The following DOK6 variants were observed in gnomAD, a reference collection of about 807,000 sequenced individuals.
DOK6 encodes the protein downstream of tyrosine kinase 6.
DOK6 carries 22 observed loss-of-function variants against 44.0 expected under a neutral mutation model. That is an observed-to-expected ratio of 0.50 (90% CI 0.36 to 0.71). The LOEUF (loss-of-function observed/expected upper bound fraction) is 0.71. Among genes scored for constraint, DOK6 ranks in the 30% least tolerant of loss-of-function variants. DOK6 has a pLI of 0.00. For synonymous variants in DOK6, 166 were observed against 145.5 expected, an observed-to-expected ratio of 1.14 and a Z score of -1.01; for missense variants, 340 against 416.4, an observed-to-expected ratio of 0.82 and a Z score of 1.60.
chr18:69,662,579 A>G (rs1251564049), intron 3 of DOK6: 1 of 152,190 alleles, frequency 6.6e-6, no homozygotes, highest in Non-Finnish European at 1.5e-5. Flanking sequence ...GTAGATGAAT[A>G]TTGCCTTTGA....
chr18:69,698,556 G>A lies in DOK6; in HGVS notation c.562G>A (p.Gly188Ser), dbSNP rs766198992. The A allele has an allele frequency of 2.5e-6, 4 of 1,613,892 alleles. No individual in the cohort carries two copies. The highest frequency in any genetic ancestry group is 1.3e-5 in the African/African-American group (1 of 74,930). ...GCCTCTCAGCTCACTGAGGAGATAC[G>A]GTCGGGACTCAACGTGGTTCACGTT... ...MWPLSSLRRY[G>S]RDSTWFTFES... The change falls in exon 5 of 8, where the codon GGT (glycine) becomes AGT (serine). Residue 188 changes from glycine (G) to serine (S), a missense_variant. Physicochemically the swap from Gly to Ser is moderately conservative, Grantham distance 56. This residue lies in a region of DOK6 where 206 missense variants were observed against 258.6 expected (regional missense o/e 0.80). Transcript: ENST00000382713.
chr18:69,640,596 C>T (rs1984916814), intron 3 of DOK6, among the ~76,000 whole-genome samples: 1 of 152,142 alleles, frequency 6.6e-6, no homozygotes. Flanking sequence ...GCATCTAACC[C>T]TGGGGGCACA....
chr18:69,435,905 T>C (rs1008816261), intron 1 of DOK6, among the ~76,000 whole-genome samples: 1 of 152,086 alleles, frequency 6.6e-6, no homozygotes, highest in Non-Finnish European at 1.5e-5. Context: ...AAAGATACTA[T>C]TTAATATAAT....
intron 1 of DOK6, among the ~76,000 whole-genome samples, chr18:69,535,488 T>G (rs2144576776): frequency 6.6e-6 from 1 of 152,042 alleles, no homozygotes; most frequent in South Asian, 2.1e-4. Flanking sequence ...TGGGGTGTTT[T>G]AAAAAACCTT....
intron 3 of DOK6, among the ~76,000 whole-genome samples, chr18:69,666,572 G>C (rs951813299): frequency 3.3e-5 from 5 of 151,530 alleles, no homozygotes; most frequent in African/African-American, 1.2e-4. Context: ...GTTAATCATC[G>C]ACATCACATA....
chr18:69,773,786 C>T (rs1387707977), intron 7 of DOK6, among the ~76,000 whole-genome samples: 1 of 151,446 alleles, frequency 6.6e-6, no homozygotes, highest in African/African-American at 2.4e-5. Flanking sequence ...CTGTGTTGTA[C>T]ACTTAAAAAT....
At chr18:69,835,087 G>A (rs1460817501) in intron 7 of DOK6, among the ~76,000 whole-genome samples, 1 of 152,094 alleles carries the variant, frequency 6.6e-6, no homozygotes, top group Non-Finnish European at 1.5e-5. Flanking sequence ...GTCACCTCCC[G>A]TCAAGTCTCT....
chr18:69,418,681 A>C (rs147259321), intron 1 of DOK6, among the ~76,000 whole-genome samples: 1 of 151,678 alleles, frequency 6.6e-6, no homozygotes, highest in East Asian at 1.9e-4. Flanking sequence ...TGTGTTGCCA[A>C]TGTTGGTCTT....
At chr18:69,641,080 G>T (rs1191345247) in intron 3 of DOK6, among the ~76,000 whole-genome samples, 1 of 152,042 alleles carries the variant, frequency 6.6e-6, no homozygotes, top group Non-Finnish European at 1.5e-5. Context: ...GCTGAGCGTG[G>T]TGACACGTGC....
At chr18:69,447,048 T>C (rs543566115) in intron 1 of DOK6, among the ~76,000 whole-genome samples, 12 of 152,282 alleles carry the variant, frequency 7.9e-5, no homozygotes, top group Admixed American at 6.5e-4. Context: ...TGCAGAAGCT[T>C]GTTAATTTAA....
Position 69,554,524 on chromosome 18 carries a change from TTTGA to T in DOK6, c.67-9959_67-9956del, listed in dbSNP as rs142456936. On this transcript the variant is annotated intron_variant, in intron 1 of 7. Coordinates refer to ENST00000382713, the MANE Select transcript of DOK6 (RefSeq NM_152721.6). ...TATGTAACCATAGTTCATGTATTTCTTTGATTGCTGCCTAGTATTCAACTATATA... is the reference window on the plus strand; with the variant it reads ...TATGTAACCATAGTTCATGTATTTCTTTGCTGCCTAGTATTCAACTATATA... Among the ~76,000 whole-genome samples the T allele has an allele frequency of 1.8e-4, 28 of 152,382 alleles. No homozygotes were observed. The East Asian group carries it at 4.0e-3, about 22-fold the overall frequency.
chr18:69,477,901 A>G lies in DOK6; in HGVS notation c.66+76591A>G, dbSNP rs371140212. ...ACTGTGAAAAGAACACTACTGTAGT[A>G]TTTGAGCCTTTAGCTTTGATCTCAT... On this transcript the variant is annotated intron_variant, in intron 1 of 7. Transcript: ENST00000382713. 7.6e-4 allele frequency among the ~76,000 whole-genome samples: 115 copies of G among 152,304 alleles called. 1 individual carries two copies. Among genetic ancestry groups the G allele is most frequent in the African/African-American group, 2.7e-3 (112 of 41,576 alleles).
At chr18:69,738,546 TTGACA>T (rs1158022789) in intron 5 of DOK6, among the ~76,000 whole-genome samples, 13 of 152,304 alleles carry the variant, frequency 8.5e-5, no homozygotes, top group African/African-American at 2.4e-4. Flanking sequence ...TTTCCCTGAA[TTGACA>T]TAAGAATTTT....
In DOK6 at chr18:69,566,107, C is replaced by T. The variant is rs548028684; in HGVS notation, c.174+1513C>T. On this transcript the variant is annotated intron_variant, in intron 2 of 7. Coordinates refer to ENST00000382713, the MANE Select transcript of DOK6 (RefSeq NM_152721.6). ...AGTTGGAGCTCTCTAGCCAGTACAGCTCGGTTTATTTATTTATTTATTTAT... is the reference window on the plus strand; with the variant it reads ...AGTTGGAGCTCTCTAGCCAGTACAGTTCGGTTTATTTATTTATTTATTTAT... Among the ~76,000 whole-genome samples the T allele has an allele frequency of 2.1e-5, 3 of 142,382 alleles. No individual in the cohort carries two copies. In the South Asian group the frequency reaches 7.0e-4, roughly 33 times the overall value. 93.4% of individuals were successfully genotyped at this position (142,382 alleles called of 152,430 possible).
At chr18:69,575,570 A>C (rs1291153082) in intron 2 of DOK6, among the ~76,000 whole-genome samples, 1 of 152,148 alleles carries the variant, frequency 6.6e-6, no homozygotes, top group African/African-American at 2.4e-5. Context: ...AATAAAAAAA[A>C]GTTGAGCCCT....
chr18:69,771,227 T>C (rs1226947850), intron 7 of DOK6, among the ~76,000 whole-genome samples: 1 of 152,020 alleles, frequency 6.6e-6, no homozygotes, highest in African/African-American at 2.4e-5. Context: ...AATATGGGTA[T>C]AAATACATAG....
intron 7 of DOK6, among the ~76,000 whole-genome samples, chr18:69,825,602 T>G (rs1045913808): frequency 2.0e-5 from 3 of 151,630 alleles, no homozygotes; most frequent in Non-Finnish European, 4.4e-5. Flanking sequence ...CCCGGCTAAT[T>G]TTTTTGTATT....
intron 3 of DOK6, among the ~76,000 whole-genome samples, chr18:69,642,983 T>C (rs550301010): frequency 6.6e-6 from 1 of 152,342 alleles, no homozygotes; most frequent in South Asian, 2.1e-4. Flanking sequence ...CTTTCCTATT[T>C]TTAGATGGTC....
intron 4 of DOK6, among the ~76,000 whole-genome samples, chr18:69,693,951 C>T (rs559666150): frequency 0.016 from 2,431 of 147,354 alleles, 34 homozygotes; most frequent in Non-Finnish European, 0.026. Flanking sequence ...CCCAGCTACT[C>T]GGGAGGCTGA....
Sources: gnomAD v4.1 joint callset for allele counts (sites outside exome capture counted in the v4.1 genomes callset) on GRCh38, gnomAD v4.1.1 for gene constraint, gnomAD v4.1.1 regional missense constraint, MANE v1.5 for transcripts, NCBI Gene and HGNC (gene_info 2026-07-23, HGNC 2026-07-21) for gene names.